The following ROCK1 variants were observed in gnomAD, a reference collection of about 807,000 sequenced individuals.
ROCK1 encodes Rho associated coiled-coil containing protein kinase 1.
Under a neutral mutation model 196.8 loss-of-function variants are expected in ROCK1, and 36 were observed. The ratio of observed to expected loss-of-function variants is 0.18; its 90% CI spans 0.14 to 0.24. The LOEUF is 0.24. ROCK1 is among the 10% of genes least tolerant of loss of function. The probability of loss-of-function intolerance (pLI) is 1.00; values close to 1 mark genes in which losing one functional copy is unlikely to be tolerated. For missense variants in ROCK1, 920 were observed against 1,562.0 expected (o/e 0.59, Z 6.93); for synonymous variants, 443 against 515.9 (o/e 0.86, Z 1.91).
At chr18:21,001,700 G>T (rs1265667025) in intron 16 of ROCK1, among the ~76,000 whole-genome samples, 3 of 151,994 alleles carry the variant, frequency 2.0e-5, no homozygotes, top group Non-Finnish European at 4.4e-5. Context: ...GGGAGGCAGA[G>T]GTTGCAATGA....
chr18:21,015,734 G>A (rs1394102233), intron 12 of ROCK1, among the ~76,000 whole-genome samples: 1 of 151,964 alleles, frequency 6.6e-6, no homozygotes, highest in Non-Finnish European at 1.5e-5. Context: ...CACTTTGGGA[G>A]GCTGAGGCGG....
At chr18:21,031,107 T>C (rs867647981) in intron 9 of ROCK1, among the ~76,000 whole-genome samples, 1 of 152,090 alleles carries the variant, frequency 6.6e-6, no homozygotes, top group Non-Finnish European at 1.5e-5. Context: ...AATGAATGAA[T>C]GACTGCAGCC....
intron 1 of ROCK1, among the ~76,000 whole-genome samples, chr18:21,071,491 A>G (rs2143552416): frequency 6.6e-6 from 1 of 152,218 alleles, no homozygotes; most frequent in East Asian, 1.9e-4. Flanking sequence ...TTTTGCTTTT[A>G]AGTGGATATT....
At chr18:20,974,120 C>G (rs1164037978) in intron 22 of ROCK1, among the ~76,000 whole-genome samples, 2 of 152,166 alleles carry the variant, frequency 1.3e-5, no homozygotes, top group Non-Finnish European at 2.9e-5. Context: ...CCTCCTCCCC[C>G]AGTTTTTGTG....
rs1169814094 is a variant in ROCK1, at chr18:20,954,831, G to C, written c.3805C>G (p.His1269Asp). 6.2e-7 allele frequency: 1 copy of C among 1,613,806 alleles called. No individual in the cohort carries two copies. Among genetic ancestry groups the C allele is most frequent in the Non-Finnish European group, 8.5e-7 (1 of 1,179,856 alleles). ...LECRRCHVKC[H>D]RDHLDKKEDL... is the part of the protein sequence containing the mutation. ...TCTTTCTTATCTAAGTGATCTCTGTGGCACTTAACATGGCATCTTCGACAC... is the reference window on the plus strand; with the variant it reads ...TCTTTCTTATCTAAGTGATCTCTGTCGCACTTAACATGGCATCTTCGACAC... Residue 1269 changes from histidine (H) to aspartate (D), a missense_variant, in exon 31 of 33, where the codon CAC becomes GAC. His to Asp is a moderately conservative substitution (Grantham distance 81). This residue lies in a region of ROCK1 where 49 missense variants were observed against 180.4 expected (regional missense o/e 0.27). Transcript: ENST00000399799.
intron 4 of ROCK1, among the ~76,000 whole-genome samples, chr18:21,046,327 C>T (rs1479889884): frequency 6.6e-6 from 1 of 152,200 alleles, no homozygotes; most frequent in African/African-American, 2.4e-5. Context: ...TTTATACCTG[C>T]TGCTTAGTCA....
rs1277638818 is a variant in ROCK1, at chr18:20,947,696, ATT to A, written c.*3686_*3687del. On this transcript the variant is annotated 3_prime_UTR_variant, in exon 33 of 33. Transcript: ENST00000399799. ...AACCTAATGATCAACTTTAAAAATCATTTGTTTATTTAAAAAAACCATTTCCG... is the reference window on the plus strand; with the variant it reads ...AACCTAATGATCAACTTTAAAAATCATGTTTATTTAAAAAAACCATTTCCG... 1 of 152,016 alleles carries A rather than the reference ATT, an allele frequency of 6.6e-6. No individual in the cohort carries two copies. Among genetic ancestry groups the A allele is most frequent in the African/African-American group, 2.4e-5 (1 of 41,388 alleles). The allele number at this position is 152,016 out of a possible 1,614,324, so 9.4% of individuals were successfully genotyped here.
rs186779454 is a variant in ROCK1 at position 21,010,754 on chromosome 18, A to G, written c.1411-2560T>C. On this transcript the variant is annotated intron_variant, in intron 13 of 32. Coordinates refer to ENST00000399799, the MANE Select transcript of ROCK1 (RefSeq NM_005406.3). ...GCTGACAGTGTAGTTGAGTTCTCCT[A>G]TGTTTGGTGATTCTTACGGGTGCTG... Among the ~76,000 whole-genome samples the G allele has an allele frequency of 8.3e-4, 127 of 152,316 alleles. 1 individual carries two copies. The highest frequency in any genetic ancestry group is 2.9e-3 in the African/African-American group (119 of 41,576).
chr18:21,093,955 CAA>C (rs67567031), intron 1 of ROCK1, among the ~76,000 whole-genome samples: 493 of 140,230 alleles, frequency 3.5e-3, no homozygotes, highest in Admixed American at 3.7e-3. Context: ...GACTCAATCT[CAA>C]AAAAAAAAAA....
chr18:20,951,726 A>G (rs1266922082), intron 32 of ROCK1, among the ~76,000 whole-genome samples: 5 of 152,196 alleles, frequency 3.3e-5, no homozygotes, highest in Non-Finnish European at 5.9e-5. Flanking sequence ...AGGAAAGGAT[A>G]TAAGTCATTT....
chr18:21,018,019 A>T (rs922792527), intron 12 of ROCK1, among the ~76,000 whole-genome samples: 1 of 151,996 alleles, frequency 6.6e-6, no homozygotes, highest in African/African-American at 2.4e-5. Context: ...AAGAAATGCA[A>T]GTAAATATCA....
Position 21,021,115 on chromosome 18 carries a change from T to C in ROCK1, c.1273-876A>G, listed in dbSNP as rs16945048. 9.7e-3 allele frequency among the ~76,000 whole-genome samples: 1,482 copies of C among 152,218 alleles called. 17 individuals carry two copies. Among genetic ancestry groups the C allele is most frequent in the African/African-American group, 0.034 (1,426 of 41,534 alleles). On this transcript the variant is annotated intron_variant, in intron 11 of 32. Coordinates refer to ENST00000399799, the MANE Select transcript of ROCK1 (RefSeq NM_005406.3). ...AGGAAGTAATGGATAAAGGTATCAA[T>C]TGGAAAGCACAATGTATGACCAAAC...
At chr18:21,009,320 GTTT>G (rs1254074734) in intron 13 of ROCK1, among the ~76,000 whole-genome samples, 3 of 140,972 alleles carry the variant, frequency 2.1e-5, no homozygotes, top group African/African-American at 7.8e-5. Flanking sequence ...GCCAAGACAG[GTTT>G]TTTTTTTTTT....
In ROCK1 at chr18:20,948,393, T is replaced by C. The variant is rs2035150041; in HGVS notation, c.*2991A>G. On this transcript the variant is annotated 3_prime_UTR_variant, in exon 33 of 33. Coordinates refer to ENST00000399799, the MANE Select transcript of ROCK1 (RefSeq NM_005406.3). ...TCTCTACCTCACTCTGAATTCCAGA[T>C]TGATTATAGAACTGTGAAAGTTAAC... is the stretch of plus-strand genomic sequence containing the variant. 6.6e-6 allele frequency: 1 copy of C among 151,594 alleles called. No individual in the cohort carries two copies. Among genetic ancestry groups the C allele is most frequent in the South Asian group, 2.1e-4 (1 of 4,828 alleles). 9.4% of individuals were successfully genotyped at this position (151,594 alleles called of 1,614,324 possible).
intron 9 of ROCK1, among the ~76,000 whole-genome samples, chr18:21,029,388 C>T (rs902014602): frequency 6.6e-6 from 1 of 152,160 alleles, no homozygotes; most frequent in African/African-American, 2.4e-5. Context: ...TACTTCTTAG[C>T]TTCCTGGACA....
At chr18:21,028,136 G>A (rs919200822) in intron 10 of ROCK1, among the ~76,000 whole-genome samples, 2 of 150,648 alleles carry the variant, frequency 1.3e-5, no homozygotes, top group African/African-American at 4.9e-5. Context: ...TCTACATGCT[G>A]GCCAGGCACG....
chr18:21,091,807 TA>T (rs1343973841), intron 1 of ROCK1, among the ~76,000 whole-genome samples: 1 of 151,816 alleles, frequency 6.6e-6, no homozygotes, highest in Non-Finnish European at 1.5e-5. Flanking sequence ...CCGTCTCTAC[TA>T]CAAACACAAA....
chr18:21,082,274 G>T (rs7228804), intron 1 of ROCK1, among the ~76,000 whole-genome samples: 25,662 of 151,996 alleles, frequency 0.17, 4,519 homozygotes, highest in African/African-American at 0.44. Flanking sequence ...GAATTAACAC[G>T]AATCCTTTTC....
intron 19 of ROCK1, among the ~76,000 whole-genome samples, chr18:20,985,553 C>T (rs1349598709): frequency 6.6e-6 from 1 of 152,160 alleles, no homozygotes; most frequent in Non-Finnish European, 1.5e-5. Flanking sequence ...TAATTATTTG[C>T]AATGCTTGTA....
Sources: allele counts gnomAD v4.1 joint callset (sites outside exome capture counted in the v4.1 genomes callset), GRCh38; gene constraint gnomAD v4.1.1; regional missense constraint gnomAD v4.1.1; transcripts MANE v1.5; gene names NCBI Gene and HGNC (gene_info 2026-07-23, HGNC 2026-07-21).